The following RBFOX1 variants were observed in gnomAD, a reference collection of about 807,000 sequenced individuals.
The protein encoded by RBFOX1 is RNA binding protein fox-1 homolog 1.
Under a neutral mutation model 57.7 loss-of-function variants are expected in RBFOX1, and 8 were observed. The ratio of observed to expected loss-of-function variants is 0.14; its 90% CI spans 0.08 to 0.25. The LOEUF is 0.25. Among genes scored for constraint, RBFOX1 ranks in the 10% least tolerant of loss-of-function variants. RBFOX1 has a pLI of 1.00. For missense variants in RBFOX1, 611 were observed against 548.5 expected (o/e 1.11, Z -1.14); for synonymous variants, 326 against 222.4 (o/e 1.47, Z -4.15).
At chr16:7,530,790 AG>A (rs1372804121) in intron 5 of RBFOX1, among the ~76,000 whole-genome samples, 1 of 152,174 alleles carries the variant, frequency 6.6e-6, no homozygotes, top group Non-Finnish European at 1.5e-5. Context: ...TGCCCCTGGT[AG>A]AAACATAACC....
At chr16:6,184,154 G>A (rs1048416551) in intron 1 of RBFOX1, among the ~76,000 whole-genome samples, 2 of 152,102 alleles carry the variant, frequency 1.3e-5, no homozygotes, top group African/African-American at 4.8e-5. Context: ...ACAGTATGGG[G>A]GAAACTGCCC....
chr16:6,255,075 G>A (rs1459968199), intron 1 of RBFOX1, among the ~76,000 whole-genome samples: 2 of 151,910 alleles, frequency 1.3e-5, no homozygotes, highest in East Asian at 3.9e-4. Context: ...CATCACATAT[G>A]TCCGCGGACC....
intron 3 of RBFOX1, among the ~76,000 whole-genome samples, chr16:5,712,214 C>T (rs369421617): frequency 6.6e-6 from 1 of 152,216 alleles, no homozygotes; most frequent in South Asian, 2.1e-4. Context: ...TTCAACACCT[C>T]AACACCTGGG....
At chr16:5,793,052 T>G (rs1296066698) in intron 3 of RBFOX1, among the ~76,000 whole-genome samples, 2 of 152,186 alleles carry the variant, frequency 1.3e-5, no homozygotes. Flanking sequence ...CCACGTTGTG[T>G]TGTTCAAGGG....
chr16:6,558,505 G>T (rs1180998815), intron 2 of RBFOX1, among the ~76,000 whole-genome samples: 2 of 152,062 alleles, frequency 1.3e-5, no homozygotes, highest in Non-Finnish European at 2.9e-5. Flanking sequence ...ACGTTGGAAG[G>T]ACATTGGAAA....
Position 6,307,376 on chromosome 16 carries a change from A to G in RBFOX1, c.-126-9619A>G, listed in dbSNP as rs147001510. ...TAGCCTGGGTGACAGAGAGAGACTC[A>G]TCTTAAAAATAAAAAAAACATCATC... On this transcript the variant is annotated intron_variant, in intron 1 of 15. Coordinates refer to ENST00000550418, the MANE Select transcript of RBFOX1 (RefSeq NM_018723.4). 1.3e-3 allele frequency among the ~76,000 whole-genome samples: 193 copies of G among 147,586 alleles called. 2 individuals carry two copies. The highest frequency in any genetic ancestry group is 6.8e-3 in the Middle Eastern group (2 of 292).
At chr16:7,087,665 C>G (rs1168748911) in intron 4 of RBFOX1, among the ~76,000 whole-genome samples, 2 of 151,950 alleles carry the variant, frequency 1.3e-5, no homozygotes, top group African/African-American at 4.8e-5. Context: ...GGAATGTTAT[C>G]CTCATAAACT....
At chr16:5,796,120 G>A (rs958674866) in intron 3 of RBFOX1, among the ~76,000 whole-genome samples, 2 of 152,152 alleles carry the variant, frequency 1.3e-5, no homozygotes, top group Non-Finnish European at 2.9e-5. Flanking sequence ...TTGAATTTTG[G>A]TGAGCTGTTT....
chr16:7,689,214 AAC>A (rs2147273523), intron 14 of RBFOX1, among the ~76,000 whole-genome samples: 1 of 152,210 alleles, frequency 6.6e-6, no homozygotes, highest in Admixed American at 6.6e-5. Flanking sequence ...AGCCAAGACA[AAC>A]ACAGCCTTCT....
intron 4 of RBFOX1, among the ~76,000 whole-genome samples, chr16:7,382,531 A>G (rs1270347447): frequency 1.3e-5 from 2 of 152,230 alleles, no homozygotes; most frequent in Non-Finnish European, 2.9e-5. Flanking sequence ...CAGCAGAGGA[A>G]ATGGCATAAC....
chr16:5,563,643 TATG>T (rs1247701852), intron 2 of RBFOX1, among the ~76,000 whole-genome samples: 1 of 152,222 alleles, frequency 6.6e-6, no homozygotes, highest in African/African-American at 2.4e-5. Context: ...TGCCTTATAA[TATG>T]ATGATAGTAG....
At chr16:6,675,697 C>A (rs1372442151) in intron 3 of RBFOX1, among the ~76,000 whole-genome samples, 1 of 152,110 alleles carries the variant, frequency 6.6e-6, no homozygotes, top group Non-Finnish European at 1.5e-5. Flanking sequence ...TGGCGGCAGG[C>A]AAGAGAGAAT....
At chr16:7,252,641 T>G (rs896215593) in intron 4 of RBFOX1, among the ~76,000 whole-genome samples, 11 of 152,220 alleles carry the variant, frequency 7.2e-5, no homozygotes, top group Admixed American at 7.2e-4. Context: ...GTTAACCTGC[T>G]TTACTCATTG....
At chr16:7,193,991 C>T (rs1023548721) in intron 4 of RBFOX1, among the ~76,000 whole-genome samples, 1 of 151,628 alleles carries the variant, frequency 6.6e-6, no homozygotes, top group Non-Finnish European at 1.5e-5. Flanking sequence ...AATAGTCTTT[C>T]CCAAGTATAA....
intron 1 of RBFOX1, among the ~76,000 whole-genome samples, chr16:5,346,280 C>A (rs1339213107): frequency 6.6e-6 from 1 of 152,180 alleles, no homozygotes; most frequent in East Asian, 1.9e-4. Context: ...TCTTATAGAG[C>A]TGTGGTGAGA....
At chr16:5,386,311 C>G (rs1302615813) in intron 1 of RBFOX1, among the ~76,000 whole-genome samples, 2 of 151,912 alleles carry the variant, frequency 1.3e-5, no homozygotes, top group Admixed American at 6.6e-5. Context: ...AGGGAAATGA[C>G]CAGGTGTGGA....
At chr16:5,893,786 A>T (rs967662275) in intron 4 of RBFOX1, among the ~76,000 whole-genome samples, 1 of 150,054 alleles carries the variant, frequency 6.7e-6, no homozygotes, top group Admixed American at 6.7e-5. Context: ...AGCCTGGGTG[A>T]CAGAGCAAGA....
intron 3 of RBFOX1, among the ~76,000 whole-genome samples, chr16:6,733,499 G>C (rs959555865): frequency 6.6e-6 from 1 of 152,162 alleles, no homozygotes; most frequent in African/African-American, 2.4e-5. Context: ...GAATTTGCTA[G>C]GTCAAGCTAG....
chr16:6,041,670 C>T (rs2152416682), intron 1 of RBFOX1, among the ~76,000 whole-genome samples: 1 of 152,208 alleles, frequency 6.6e-6, no homozygotes, highest in African/African-American at 2.4e-5. Context: ...TCACGCTGTT[C>T]CCTTTTAGTG....
Sources: gnomAD v4.1 joint callset for allele counts (sites outside exome capture counted in the v4.1 genomes callset) on GRCh38, gnomAD v4.1.1 for gene constraint, MANE v1.5 for transcripts, NCBI Gene and HGNC (gene_info 2026-07-23, HGNC 2026-07-21) for gene names.